BAIAP2: variants seen among roughly 807,000 people sequenced by gnomAD.
BAIAP2 encodes the protein BAR/IMD domain containing adaptor protein 2, also known as BAR/IMD domain-containing adapter protein 2.
In BAIAP2, 18 loss-of-function variants were observed where a neutral mutation model predicts 63.0. That is an observed-to-expected ratio of 0.29 (90% CI 0.20 to 0.42). BAIAP2 has a LOEUF of 0.42. BAIAP2 is among the 10% of genes least tolerant of loss of function. The probability of loss-of-function intolerance (pLI) is 1.00; values close to 1 mark genes in which losing one functional copy is unlikely to be tolerated. For missense variants in BAIAP2, 610 were observed against 734.3 expected, an observed-to-expected ratio of 0.83 and a Z score of 1.96; for synonymous variants, 386 against 307.6, an observed-to-expected ratio of 1.25 and a Z score of -2.67.
At chr17:81,088,709 C>A (rs111683192) in intron 6 of BAIAP2, among the ~76,000 whole-genome samples, 1 of 152,220 alleles carries the variant, frequency 6.6e-6, no homozygotes, top group Non-Finnish European at 1.5e-5. Flanking sequence ...CGGGGGTCAG[C>A]CTTTCTTCCT....
intron 7 of BAIAP2, 64 bp downstream of exon 7, chr17:81,100,144 C>T (rs2058289921): frequency 6.5e-7 from 1 of 1,531,012 alleles, no homozygotes; most frequent in Non-Finnish European, 8.8e-7. Context: ...GACCCAGGCC[C>T]CTGCCCCAGC....
At chr17:81,110,637 G>A in intron 13 of BAIAP2, 1 of 1,253,494 alleles carries the variant, frequency 8.0e-7, no homozygotes, top group Non-Finnish European at 1.0e-6. Flanking sequence ...ACCTGGGCTT[G>A]CACACGGTGC....
chr17:81,104,259 G>A (rs373479464), intron 9 of BAIAP2, 151 bp downstream of exon 9: 9 of 931,782 alleles, frequency 9.7e-6, no homozygotes, highest in Admixed American at 2.4e-5. Context: ...GTACACACAC[G>A]TGTGCCTGCC....
At position 81,104,043 on chromosome 17, in the gene BAIAP2, G is replaced by C. The variant is rs201778887; in HGVS notation, c.1001G>C (p.Ser334Thr). Reference sequence around the variant, plus strand: ...CCTCCGCAGTCTCAGAGCAAGCTCAGCGACTCCTACTCCAACACACTCCCC... The same window carrying C: ...CCTCCGCAGTCTCAGAGCAAGCTCACCGACTCCTACTCCAACACACTCCCC... ...LSPPQSQSKLSDSYSNTLPVR... is the reference protein window; with the variant it reads ...LSPPQSQSKLTDSYSNTLPVR... Residue 334 changes from serine to threonine, a missense_variant, in exon 9 of 14, where the codon AGC becomes ACC. This residue lies in a region of BAIAP2 where 389 missense variants were observed against 455.6 expected (regional missense o/e 0.85). Coordinates refer to ENST00000428708, the MANE Select transcript of BAIAP2 (RefSeq NM_001144888.2). 1 of 1,613,212 alleles carries C rather than the reference G, an allele frequency of 6.2e-7. No homozygotes were observed. The highest frequency in any genetic ancestry group is 8.5e-7 in the Non-Finnish European group (1 of 1,180,020).
intron 1 of BAIAP2, among the ~76,000 whole-genome samples, chr17:81,052,701 A>C (rs538737537): frequency 2.0e-5 from 3 of 151,174 alleles, no homozygotes; most frequent in African/African-American, 7.3e-5. Flanking sequence ...TTGGCTTCGG[A>C]GGCTGAGGCC....
chr17:81,109,302 C>G (rs2059588984), intron 13 of BAIAP2: 1 of 1,167,572 alleles, frequency 8.6e-7, no homozygotes. Flanking sequence ...CCTGCAGTGT[C>G]TGTGGCACTC....
At chr17:81,077,459 T>C (rs991996480) in intron 3 of BAIAP2, among the ~76,000 whole-genome samples, 1 of 151,676 alleles carries the variant, frequency 6.6e-6, no homozygotes, top group African/African-American at 2.4e-5. Context: ...TCCCAGCTAC[T>C]CGGGAGGCTG....
chr17:81,100,153 G>A, intron 7 of BAIAP2, 73 bp downstream of exon 7: 1 of 1,507,648 alleles, frequency 6.6e-7, no homozygotes, highest in Non-Finnish European at 8.9e-7. Flanking sequence ...CCCTGCCCCA[G>A]CCCCAGCCCC....
chr17:81,112,429 C>A (rs935844059), intron 13 of BAIAP2, among the ~76,000 whole-genome samples: 6 of 152,238 alleles, frequency 3.9e-5, no homozygotes, highest in Non-Finnish European at 8.8e-5. Flanking sequence ...AAGCCACTTG[C>A]AGTTGGCCAA....
chr17:81,104,791 A>C, intron 10 of BAIAP2, 76 bp downstream of exon 10: 1 of 1,417,512 alleles, frequency 7.1e-7, no homozygotes, highest in Non-Finnish European at 9.6e-7. Flanking sequence ...ACTCAAGTGC[A>C]CTGAGACCTT....
rs144591747 is a variant in BAIAP2, at chr17:81,056,982, C to CA, written c.131-898dup. On this transcript the variant is annotated intron_variant, in intron 2 of 13. Transcript: ENST00000428708. ...CACACCCGTCCCAGGCACAGGCCTT[C>CA]ATTCCTCTGTGGACGTGGTCTTGTG... is the stretch of plus-strand genomic sequence containing the variant. Among the ~76,000 whole-genome samples the CA allele has an allele frequency of 8.9e-4, 136 of 152,380 alleles. No individual in the cohort carries two copies. In the East Asian group the frequency reaches 0.015, roughly 17 times the overall value.
At chr17:81,085,021 G>C in intron 4 of BAIAP2, 128 bp downstream of exon 4, 1 of 962,464 alleles carries the variant, frequency 1.0e-6, no homozygotes, top group African/African-American at 1.6e-5. Flanking sequence ...GGCAGGGAGG[G>C]ACCCTGGCTC....
chr17:81,105,303 G>T (rs1232505773), intron 10 of BAIAP2: 2 of 157,678 alleles, frequency 1.3e-5, no homozygotes, highest in Non-Finnish European at 2.8e-5. Context: ...GATTGCCGCA[G>T]GGTGTGGCAT....
chr17:81,047,901 T>C (rs933592654), intron 1 of BAIAP2, among the ~76,000 whole-genome samples: 2 of 152,264 alleles, frequency 1.3e-5, no homozygotes, highest in South Asian at 2.1e-4. Flanking sequence ...TATATGTGCA[T>C]GCATGGGTCC....
At chr17:81,076,326 G>A (rs1598654336) in intron 3 of BAIAP2, 1 of 152,208 alleles carries the variant, frequency 6.6e-6, no homozygotes, top group Non-Finnish European at 1.5e-5. Context: ...ACTGAGCTCC[G>A]CCTCTCCATC....
intron 12 of BAIAP2, chr17:81,107,176 G>GC (rs1242976887): frequency 2.1e-6 from 1 of 478,958 alleles, no homozygotes; most frequent in Non-Finnish European, 3.7e-6. Context: ...CCAGCCACGG[G>GC]CAACTCACTG....
At chr17:81,081,933 G>C (rs2054681754) in intron 3 of BAIAP2, among the ~76,000 whole-genome samples, 1 of 152,150 alleles carries the variant, frequency 6.6e-6, no homozygotes. Flanking sequence ...TTCCAGGCAG[G>C]GGCAGGCCCC....
chr17:81,093,313 G>A (rs2057109808), intron 6 of BAIAP2, among the ~76,000 whole-genome samples: 1 of 152,172 alleles, frequency 6.6e-6, no homozygotes, highest in Non-Finnish European at 1.5e-5. Context: ...CTTCCTCAGC[G>A]GCCTGAAACT....
In BAIAP2 at chr17:81,046,943, C is replaced by T. The variant is rs573054907; in HGVS notation, c.55-6725C>T. 1.3e-5 allele frequency among the ~76,000 whole-genome samples: 2 copies of T among 152,318 alleles called. No individual in the cohort carries two copies. The highest frequency in any genetic ancestry group is 2.1e-4 in the South Asian group (1 of 4,826). ...GAAGCCCCTCTGGCACTGCCGGCCCCGCAGCTGCCACCGGCTTCTGCCTGT... is the reference window on the plus strand; with the variant it reads ...GAAGCCCCTCTGGCACTGCCGGCCCTGCAGCTGCCACCGGCTTCTGCCTGT... On this transcript the variant is annotated intron_variant, in intron 1 of 13. Coordinates refer to ENST00000428708, the MANE Select transcript of BAIAP2 (RefSeq NM_001144888.2). This position sits in a 1 kb window ranked among gnomAD's most constrained non-coding sequence, Gnocchi z 4.5.
Sources: allele counts gnomAD v4.1 joint callset (sites outside exome capture counted in the v4.1 genomes callset), GRCh38; gene constraint gnomAD v4.1.1; regional missense constraint gnomAD v4.1.1; non-coding constraint Gnocchi (gnomAD v3.1); transcripts MANE v1.5; gene names NCBI Gene and HGNC (gene_info 2026-07-23, HGNC 2026-07-21).